The following PARD3B variants were observed in gnomAD, a reference collection of about 807,000 sequenced individuals.
The protein encoded by PARD3B is partitioning defective 3 homolog B.
In PARD3B, 103 loss-of-function variants were observed where a neutral mutation model predicts 130.2. That is an observed-to-expected ratio of 0.79 (90% CI 0.67 to 0.93). The LOEUF is 0.93. Among genes scored for constraint, PARD3B ranks in the 40% least tolerant of loss-of-function variants. The pLI is 0.00. For synonymous variants in PARD3B, 583 were observed against 553.2 expected (o/e 1.05, Z -0.76); for missense variants, 1,609 against 1,499.2 (o/e 1.07, Z -1.21).
chr2:204,992,006 A>G (rs2125244523), intron 3 of PARD3B, among the ~76,000 whole-genome samples: 1 of 151,450 alleles, frequency 6.6e-6, no homozygotes, highest in East Asian at 1.9e-4. Flanking sequence ...GGTTGCAAAA[A>G]TTTTCTCCCA....
intron 14 of PARD3B, among the ~76,000 whole-genome samples, chr2:205,191,684 A>C (rs1404229719): frequency 6.6e-6 from 1 of 152,200 alleles, no homozygotes; most frequent in Non-Finnish European, 1.5e-5. Flanking sequence ...CTATTCTCTC[A>C]ACAACCTTGT....
intron 4 of PARD3B, among the ~76,000 whole-genome samples, chr2:205,057,660 C>T (rs62173545): frequency 0.12 from 9,487 of 75,966 alleles, 852 homozygotes; most frequent in Admixed American, 0.13. Flanking sequence ...TGTATACGTA[C>T]ATATACATAT....
chr2:205,306,552 C>G (rs1271352335), intron 18 of PARD3B, among the ~76,000 whole-genome samples: 1 of 152,110 alleles, frequency 6.6e-6, no homozygotes, highest in African/African-American at 2.4e-5. Flanking sequence ...TACTTCATTG[C>G]CCATAATACA....
chr2:204,563,192 C>T (rs1406906610), intron 1 of PARD3B, among the ~76,000 whole-genome samples: 4 of 140,506 alleles, frequency 2.8e-5, no homozygotes, highest in South Asian at 2.3e-4. Flanking sequence ...TCTCTGCCTC[C>T]GTTTTTACAT....
At chr2:204,737,659 T>C (rs901497176) in intron 2 of PARD3B, among the ~76,000 whole-genome samples, 4 of 152,236 alleles carry the variant, frequency 2.6e-5, no homozygotes, top group Admixed American at 2.6e-4. Flanking sequence ...TAGGCCAGTG[T>C]CTAGAAGAGT....
intron 2 of PARD3B, among the ~76,000 whole-genome samples, chr2:204,705,634 T>C (rs1343548617): frequency 6.6e-6 from 1 of 152,196 alleles, no homozygotes; most frequent in Non-Finnish European, 1.5e-5. Context: ...TAGATGTCTG[T>C]TAAATATCAT....
At chr2:205,384,339 A>G (rs1300379584) in intron 18 of PARD3B, among the ~76,000 whole-genome samples, 1 of 152,090 alleles carries the variant, frequency 6.6e-6, no homozygotes, top group African/African-American at 2.4e-5. Flanking sequence ...ATAAAAATGG[A>G]AAGACAGAGA....
In PARD3B at chr2:204,799,423, G is replaced by A. The variant is rs1312747971; in HGVS notation, c.222+113141G>A. Among the ~76,000 whole-genome samples the A allele has an allele frequency of 6.6e-6, 1 of 152,146 alleles. No homozygotes were observed. The highest frequency in any genetic ancestry group is 1.5e-5 in the Non-Finnish European group (1 of 68,016). On this transcript the variant is annotated intron_variant, in intron 2 of 22. Transcript: ENST00000406610. The surrounding 1 kb of genome is among the most constrained non-coding windows in gnomAD (Gnocchi z 4.1). Reference sequence around the variant, plus strand: ...CTGGCTTCTGGACAGCATTCCTGGAGGTACCCTGGATCAAGGAAGACCTCA... The same window carrying A: ...CTGGCTTCTGGACAGCATTCCTGGAAGTACCCTGGATCAAGGAAGACCTCA...
chr2:205,452,853 C>T (rs1469646819), intron 20 of PARD3B, among the ~76,000 whole-genome samples: 1 of 152,172 alleles, frequency 6.6e-6, no homozygotes, highest in African/African-American at 2.4e-5. Flanking sequence ...TTCAAGGCCC[C>T]TTCCCCCCAT....
At chr2:204,935,625 A>C (rs1271230410) in intron 2 of PARD3B, among the ~76,000 whole-genome samples, 2 of 151,806 alleles carry the variant, frequency 1.3e-5, no homozygotes, top group Non-Finnish European at 2.9e-5. Flanking sequence ...ACACACACAC[A>C]CCAAATTTTA....
At chr2:204,845,327 C>T (rs1373083381) in intron 2 of PARD3B, among the ~76,000 whole-genome samples, 1 of 152,084 alleles carries the variant, frequency 6.6e-6, no homozygotes, top group Non-Finnish European at 1.5e-5. Flanking sequence ...CTGCTTTGAA[C>T]AACTTTTTCA....
chr2:204,662,806 A>C (rs947423396), intron 1 of PARD3B, among the ~76,000 whole-genome samples: 2 of 152,322 alleles, frequency 1.3e-5, no homozygotes, highest in South Asian at 4.1e-4. Context: ...TTGACCCGCC[A>C]TCAGTCCAAA....
rs772442207 is a variant in PARD3B at position 204,838,271 on chromosome 2, C to T, written c.223-126881C>T. Among the ~76,000 whole-genome samples the T allele has an allele frequency of 2.6e-5, 4 of 151,988 alleles. No homozygotes were observed. In the South Asian group the frequency reaches 8.3e-4, roughly 32 times the overall value. ...GATCTCGGCTCACTGCAACCTCCAC[C>T]TCCTGGGTTCCAGTGACTCTCCTAC... is the stretch of plus-strand genomic sequence containing the variant. On this transcript the variant is annotated intron_variant, in intron 2 of 22. Transcript: ENST00000406610.
intron 3 of PARD3B, among the ~76,000 whole-genome samples, chr2:205,033,371 A>G (rs914200503): frequency 3.3e-5 from 5 of 152,056 alleles, no homozygotes; most frequent in African/African-American, 1.2e-4. Context: ...GTTCCTCAAT[A>G]CTTGAAAAAA....
intron 1 of PARD3B, among the ~76,000 whole-genome samples, chr2:204,650,365 A>G (rs958634684): frequency 6.6e-6 from 1 of 152,154 alleles, no homozygotes. Context: ...TAAAAACAGA[A>G]TGACCATTCA....
At chr2:204,789,703 C>G (rs771697316) in intron 2 of PARD3B, among the ~76,000 whole-genome samples, 4 of 152,010 alleles carry the variant, frequency 2.6e-5, no homozygotes, top group Non-Finnish European at 5.9e-5. Flanking sequence ...TCTATTTGTT[C>G]TCGGAAATTT....
chr2:204,875,787 G>A (rs1324021874), intron 2 of PARD3B, among the ~76,000 whole-genome samples: 1 of 152,168 alleles, frequency 6.6e-6, no homozygotes, highest in African/African-American at 2.4e-5. Context: ...GAGTTTTAAA[G>A]GTAGGATTAA....
chr2:204,850,993 T>C (rs2044685890), intron 2 of PARD3B, among the ~76,000 whole-genome samples: 1 of 152,172 alleles, frequency 6.6e-6, no homozygotes, highest in Non-Finnish European at 1.5e-5. Flanking sequence ...TTGCATTTGG[T>C]TTATAGATTG....
rs1463380048 is a variant in PARD3B, at chr2:205,054,827, G to A, written c.504+7137G>A. 4.6e-5 allele frequency among the ~76,000 whole-genome samples: 7 copies of A among 152,134 alleles called. No individual in the cohort carries two copies. The South Asian group carries it at 1.2e-3, about 27-fold the overall frequency. ...AGAACACATCTAAAGCAGTTAAACA[G>A]CCCTAGCAGTCTGCAAGCATGTATC... On this transcript the variant is annotated intron_variant, in intron 4 of 22. Transcript: ENST00000406610.
Sources: gnomAD v4.1 joint callset for allele counts (sites outside exome capture counted in the v4.1 genomes callset) on GRCh38, gnomAD v4.1.1 for gene constraint, Gnocchi (gnomAD v3.1) non-coding constraint, MANE v1.5 for transcripts, NCBI Gene and HGNC (gene_info 2026-07-23, HGNC 2026-07-21) for gene names.